Variants in SLC3A2 observed in about 807,000 individuals in gnomAD.
SLC3A2 encodes solute carrier family 3 member 2, also known as amino acid transporter heavy chain SLC3A2.
In SLC3A2, 32 loss-of-function variants were observed where a neutral mutation model predicts 48.5. The observed-to-expected ratio is 0.66, with a 90% CI of 0.50 to 0.89. SLC3A2 has a LOEUF of 0.89. Ranked by LOEUF, SLC3A2 falls within the 40% of genes least tolerant of loss-of-function variation. The pLI, the probability that SLC3A2 is intolerant of heterozygous loss-of-function variation, is 0.00. For missense variants in SLC3A2, 587 were observed against 680.7 expected (o/e 0.86, Z 1.53); for synonymous variants, 277 against 288.8 (o/e 0.96, Z 0.41).
At chr11:62,865,471 TG>T (rs2085442596) in intron 1 of SLC3A2, among the ~76,000 whole-genome samples, 2 of 149,520 alleles carry the variant, frequency 1.3e-5, no homozygotes, top group South Asian at 4.2e-4. Context: ...GAGAGTCCCT[TG>T]AACCCTGGAG....
rs774083326 is a variant in SLC3A2, at chr11:62,883,006, G to A, written c.690+7G>A. On this transcript the variant is annotated splice_region_variant and intron_variant, in intron 3 of 8. Coordinates refer to ENST00000338663, the MANE Select transcript of SLC3A2 (RefSeq NM_001013251.3). ...TGTGGCCACCAAGGTGAAGGTGAGT[G>A]TTGGAGCTGATGGCTGGTGGAAGTC... The A allele has an allele frequency of 1.2e-6, 2 of 1,613,652 alleles. No homozygotes were observed. The highest frequency in any genetic ancestry group is 1.1e-5 in the South Asian group (1 of 91,084).
chr11:62,888,269 T>TG, intron 8 of SLC3A2, 51 bp downstream of exon 8: 1 of 1,609,694 alleles, frequency 6.2e-7, no homozygotes, highest in Non-Finnish European at 8.5e-7. Flanking sequence ...GGGCTGGGCT[T>TG]GTAGAAGTCT....
chr11:62,882,172 C>T, intron 2 of SLC3A2, 106 bp downstream of exon 2: 2 of 1,342,690 alleles, frequency 1.5e-6, no homozygotes, highest in Non-Finnish European at 2.1e-6. Flanking sequence ...CTGAGTTTTC[C>T]TAGGGCAGGT....
intron 1 of SLC3A2, among the ~76,000 whole-genome samples, chr11:62,869,663 A>G (rs1251374728): frequency 6.6e-6 from 1 of 151,270 alleles, no homozygotes; most frequent in Non-Finnish European, 1.5e-5. Flanking sequence ...AGTTTCAGAT[A>G]GTATGTCTTC....
chr11:62,859,395 A>G (rs1211160999), intron 1 of SLC3A2, among the ~76,000 whole-genome samples: 1 of 152,214 alleles, frequency 6.6e-6, no homozygotes, highest in Non-Finnish European at 1.5e-5. Flanking sequence ...TTTTCTTAGT[A>G]CATAACAAAA....
At chr11:62,878,763 C>T (rs2085596687), upstream of SLC3A2, among the ~76,000 whole-genome samples, 1 of 149,878 alleles carries the variant, frequency 6.7e-6, no homozygotes, top group Non-Finnish European at 1.5e-5. Context: ...AGGTGTGAGA[C>T]ACCACGCCTG....
chr11:62,880,203 C>A (rs2085614678), upstream of SLC3A2, among the ~76,000 whole-genome samples: 1 of 152,118 alleles, frequency 6.6e-6, no homozygotes, highest in Non-Finnish European at 1.5e-5. Flanking sequence ...CCTGCCCAAA[C>A]CATTCATTTT....
intron 1 of SLC3A2, among the ~76,000 whole-genome samples, chr11:62,870,476 G>GCTCA (rs2085499883): frequency 6.6e-6 from 1 of 151,820 alleles, no homozygotes. Flanking sequence ...GAGCCACCGC[G>GCTCA]CCTGGCCTAT....
chr11:62,877,676 A>G (rs946438913), upstream of SLC3A2, among the ~76,000 whole-genome samples: 3 of 152,248 alleles, frequency 2.0e-5, no homozygotes, highest in South Asian at 6.2e-4. Flanking sequence ...TGAGTGGACA[A>G]ACAGGAAGGG....
In SLC3A2 at chr11:62,885,306, C is replaced by T. The variant is rs2085696023; in HGVS notation, c.948C>T (p.Ser316=). The change falls in exon 6 of 9, where the codon TCC becomes TCT. Residue 316 remains serine (S), a synonymous_variant. Coordinates refer to ENST00000338663, the MANE Select transcript of SLC3A2 (RefSeq NM_001013251.3). The part of the protein sequence containing the change: ...DSGSTGEHTK[S]LVTQYLNATG... ...GTTCTACTGGGGAGCATACAAAATC[C>T]CTAGTCACACAGTATTTGAATGCCA... 6.2e-7 allele frequency: 1 copy of T among 1,614,162 alleles called. No individual in the cohort carries two copies. Among genetic ancestry groups the T allele is most frequent in the Non-Finnish European group, 8.5e-7 (1 of 1,180,036 alleles).
chr11:62,858,559 C>G (rs12221878), intron 1 of SLC3A2, among the ~76,000 whole-genome samples: 13,148 of 151,336 alleles, frequency 0.087, 710 homozygotes, highest in African/African-American at 0.15. Context: ...GATGTTTCTC[C>G]TAAGGTGGAA....
rs779207226 is a variant in SLC3A2 at position 62,888,370 on chromosome 11, C to T, written c.1267C>T (p.Arg423Trp). 49 of 1,614,024 alleles carry T rather than the reference C, an allele frequency of 3.0e-5. No individual in the cohort carries two copies. The highest frequency in any genetic ancestry group is 4.4e-5 in the South Asian group (4 of 91,084). ...EDPGSLLSLF[R>W]RLSDQRSKER... ...CCCTGGCTCCCTCCTTTCCTTGTTC[C>T]GGCGGCTGAGTGACCAGCGGAGTAA... The change falls in exon 9 of 9, where the codon CGG becomes TGG. Residue 423 changes from arginine to tryptophan, a missense_variant. Arg to Trp is a moderately radical substitution (Grantham distance 101). This residue lies in a region of SLC3A2 where 169 missense variants were observed against 204.4 expected (regional missense o/e 0.83). Coordinates refer to ENST00000338663, the MANE Select transcript of SLC3A2 (RefSeq NM_001013251.3).
At chr11:62,865,778 C>G (rs1194297869) in intron 1 of SLC3A2, among the ~76,000 whole-genome samples, 1 of 152,052 alleles carries the variant, frequency 6.6e-6, no homozygotes, top group Non-Finnish European at 1.5e-5. Flanking sequence ...AATCAAACGC[C>G]TCATGGCTAC....
chr11:62,880,994 C>G lies in SLC3A2; in HGVS notation c.-30C>G. On this transcript the variant is annotated 5_prime_UTR_variant, in exon 1 of 9. Transcript: ENST00000338663. ...GGTTGAGCCACCATCTGACCGCAAGCTGCGTCGTGTCGCCGGTTCTGCAGG... is the reference window on the plus strand; with the variant it reads ...GGTTGAGCCACCATCTGACCGCAAGGTGCGTCGTGTCGCCGGTTCTGCAGG... 2 of 1,538,220 alleles carry G rather than the reference C, an allele frequency of 1.3e-6. No individual in the cohort carries two copies. The highest frequency in any genetic ancestry group is 1.8e-6 in the Non-Finnish European group (2 of 1,140,134).
In SLC3A2 at chr11:62,881,759, G is replaced by C. The variant is rs780448539; in HGVS notation, c.425-134G>C. ...CCTTACATCAGCTCCTCTGAGTCTC[G>C]TGATTCAGCCTTGCCTCCCTCTCTC... is the stretch of plus-strand genomic sequence containing the variant. On this transcript the variant is annotated intron_variant, in intron 1 of 8. Transcript: ENST00000338663. This position sits in a 1 kb window ranked among gnomAD's most constrained non-coding sequence, Gnocchi z 4.0. 10 of 1,036,028 alleles carry C rather than the reference G, an allele frequency of 9.7e-6. No homozygotes were observed. The highest frequency in any genetic ancestry group is 1.3e-5 in the Non-Finnish European group (9 of 713,508). The allele number at this position is 1,036,028 out of a possible 1,614,324, so 64.2% of individuals were successfully genotyped here.
At chr11:62,883,094 G>A in intron 3 of SLC3A2, 95 bp downstream of exon 3, 1 of 1,167,900 alleles carries the variant, frequency 8.6e-7, no homozygotes, top group Non-Finnish European at 1.3e-6. Context: ...GACTCCAGCT[G>A]AGGGTCCCTT....
chr11:62,882,973 G>A lies in SLC3A2; in HGVS notation c.664G>A (p.Val222Ile). The A allele has an allele frequency of 6.2e-7, 1 of 1,614,192 alleles. No individual in the cohort carries two copies. Among genetic ancestry groups the A allele is most frequent in the Non-Finnish European group, 8.5e-7 (1 of 1,180,022 alleles). Reference sequence around the variant, plus strand: ...TGAGAACTCGTGGTTCTCCACTCAGGTTGACACTGTGGCCACCAAGGTGAA... The same window carrying A: ...TGAGAACTCGTGGTTCTCCACTCAGATTGACACTGTGGCCACCAAGGTGAA... ...RGENSWFSTQ[V>I]DTVATKVKDA... is the part of the protein sequence containing the mutation. Residue 222 changes from valine (V) to isoleucine (I), a missense_variant, in exon 3 of 9, where the codon GTT (valine) becomes ATT (isoleucine). Physicochemically the swap from Val to Ile is conservative, Grantham distance 29. This residue lies in a region of SLC3A2 where 409 missense variants were observed against 446.7 expected (regional missense o/e 0.92). Transcript: ENST00000338663.
intron 1 of SLC3A2, among the ~76,000 whole-genome samples, chr11:62,861,334 C>T (rs1201672030): frequency 6.6e-6 from 1 of 152,104 alleles, no homozygotes; most frequent in African/African-American, 2.4e-5. Flanking sequence ...AAGAGGGTTT[C>T]ACTCTTGGTC....
intron 1 of SLC3A2, among the ~76,000 whole-genome samples, chr11:62,869,070 TG>T (rs1287424847): frequency 6.6e-6 from 1 of 151,866 alleles, no homozygotes; most frequent in Non-Finnish European, 1.5e-5. Context: ...CGCTAATTTT[TG>T]TATTTTTAGT....
Sources: gnomAD v4.1 joint callset for allele counts (sites outside exome capture counted in the v4.1 genomes callset) on GRCh38, gnomAD v4.1.1 for gene constraint, gnomAD v4.1.1 regional missense constraint, Gnocchi (gnomAD v3.1) non-coding constraint, MANE v1.5 for transcripts, NCBI Gene and HGNC (gene_info 2026-07-23, HGNC 2026-07-21) for gene names.